SIM2: variants seen among roughly 807,000 people sequenced by gnomAD.
SIM2 encodes single-minded homolog 2.
In SIM2, 28 loss-of-function variants were observed where a neutral mutation model predicts 64.8. The ratio of observed to expected loss-of-function variants is 0.43; its 90% CI spans 0.32 to 0.59. The LOEUF is 0.59. Among genes scored for constraint, SIM2 ranks in the 20% least tolerant of loss-of-function variants. The pLI is 0.07. For missense variants in SIM2, 847 were observed against 871.4 expected, an observed-to-expected ratio of 0.97 and a Z score of 0.35; for synonymous variants, 408 against 391.1, an observed-to-expected ratio of 1.04 and a Z score of -0.51.
At chr21:36,742,639 A>C (rs180897151) in intron 8 of SIM2, among the ~76,000 whole-genome samples, 3 of 152,206 alleles carry the variant, frequency 2.0e-5, no homozygotes, top group Admixed American at 1.3e-4. Context: ...CACCATAGCT[A>C]TTGTACGTTC....
chr21:36,699,657 C>G lies in SIM2; in HGVS notation c.-90C>G. 1 of 1,462,464 alleles carries G rather than the reference C, an allele frequency of 6.8e-7. No homozygotes were observed. Among genetic ancestry groups the G allele is most frequent in the Admixed American group, 2.2e-5 (1 of 46,226 alleles). The allele number at this position is 1,462,464 out of a possible 1,614,324, so 90.6% of individuals were successfully genotyped here. The stretch of plus-strand genomic sequence containing the variant: ...CCGCGGACTCACCTGGCTCCCGGCT[C>G]CCCCTTCCCCATCCCCGCCGCCGCA... On this transcript the variant is annotated 5_prime_UTR_variant, in exon 1 of 11. Coordinates refer to ENST00000290399, the MANE Select transcript of SIM2 (RefSeq NM_005069.6). The surrounding 1 kb of genome is among the most constrained non-coding windows in gnomAD (Gnocchi z 5.6).
In SIM2 at chr21:36,741,770, G is replaced by A. The variant is rs2089162398; in HGVS notation, c.904G>A (p.Gly302Ser). 6.2e-7 allele frequency: 1 copy of A among 1,613,084 alleles called. No homozygotes were observed. The highest frequency in any genetic ancestry group is 1.7e-5 in the Admixed American group (1 of 59,978). Residue 302 changes from glycine (G) to serine (S), a missense_variant, in exon 8 of 11, where the codon GGC becomes AGC. Around this residue, in one of 3 missense-constraint regions of SIM2, gnomAD observed 397 missense variants for 439.2 expected, o/e 0.90. Transcript: ENST00000290399. ...GTACTACCGGCTGCTGTCCAAGCGG[G>A]GCGGCTGGGTGTGGGTGCAGAGCTA... ...TKYYRLLSKRGGWVWVQSYAT... is the reference protein window; with the variant it reads ...TKYYRLLSKRSGWVWVQSYAT...
In SIM2 at chr21:36,699,732, C is replaced by CGGAGCCGA; in HGVS notation, c.-12_-5dup. 1 of 1,611,286 alleles carries CGGAGCCGA rather than the reference C, an allele frequency of 6.2e-7. No individual in the cohort carries two copies. Among genetic ancestry groups the CGGAGCCGA allele is most frequent in the South Asian group, 1.1e-5 (1 of 90,738 alleles). On this transcript the variant is annotated 5_prime_UTR_variant, in exon 1 of 11. Coordinates refer to ENST00000290399, the MANE Select transcript of SIM2 (RefSeq NM_005069.6). The surrounding 1 kb of genome is among the most constrained non-coding windows in gnomAD (Gnocchi z 5.6). ...GGAGCACGGCCGGGTCTAATATGCCCGGAGCCGAGGCGCGATGAAGGAGAA... is the reference window on the plus strand; with the variant it reads ...GGAGCACGGCCGGGTCTAATATGCCCGGAGCCGAGGAGCCGAGGCGCGATGAAGGAGAA...
chr21:36,714,863 G>A (rs542727222), intron 3 of SIM2, among the ~76,000 whole-genome samples: 18 of 152,286 alleles, frequency 1.2e-4, no homozygotes, highest in African/African-American at 3.9e-4. Flanking sequence ...TCGGCTCCAC[G>A]GAAGGAAATC....
intron 1 of SIM2, 107 bp from the exon 2 acceptor site, chr21:36,709,061 C>A (rs2088632651): frequency 6.4e-6 from 6 of 937,938 alleles, no homozygotes; most frequent in Non-Finnish European, 9.4e-6. Context: ...ACGCGCGGGA[C>A]TCGTGGGGAG....
intron 6 of SIM2, among the ~76,000 whole-genome samples, chr21:36,730,294 CCTA>C (rs2088949198): frequency 6.6e-6 from 1 of 152,172 alleles, no homozygotes; most frequent in African/African-American, 2.4e-5. Context: ...CGTATTCAGT[CCTA>C]AGAAGGAATG....
intron 1 of SIM2, among the ~76,000 whole-genome samples, chr21:36,705,273 G>A (rs1367727497): frequency 6.6e-6 from 1 of 152,216 alleles, no homozygotes; most frequent in Non-Finnish European, 1.5e-5. Context: ...AGAGGCAGCC[G>A]GTCCTCACCC....
intron 2 of SIM2, among the ~76,000 whole-genome samples, chr21:36,710,787 T>C (rs2088664249): frequency 6.6e-6 from 1 of 152,210 alleles, no homozygotes; most frequent in Admixed American, 6.5e-5. Flanking sequence ...CCCGAGCTTT[T>C]ACAACATAAA....
intron 1 of SIM2, 66 bp from the exon 2 acceptor site, chr21:36,709,102 C>T: frequency 7.0e-7 from 1 of 1,424,268 alleles, no homozygotes; most frequent in Non-Finnish European, 9.6e-7. Flanking sequence ...TCCGCGTGAC[C>T]TGCCCGGCTC....
chr21:36,724,886 G>C (rs2088869441), intron 5 of SIM2, among the ~76,000 whole-genome samples: 1 of 152,134 alleles, frequency 6.6e-6, no homozygotes, highest in Non-Finnish European at 1.5e-5. Context: ...AGGCTGTACA[G>C]ATGTTTCTGT....
At position 36,737,973 on chromosome 21, in the gene SIM2, AAAAAAAAAAGC is replaced by A. The variant is rs1184348489; in HGVS notation, c.851-3727_851-3717del. Among the ~76,000 whole-genome samples, 20 of 120,340 alleles carry A rather than the reference AAAAAAAAAAGC, an allele frequency of 1.7e-4. 1 individual carries two copies. The East Asian group carries it at 2.0e-3, about 12-fold the overall frequency. 78.9% of individuals were successfully genotyped at this position (120,340 alleles called of 152,430 possible). Reference sequence around the variant, plus strand: ...CAAGACCCTGTCTCAAAAAAAAAAAAAAAAAAAAAGCAAAAAAAAAGCAAAAAGAAAAAAGC... The same window carrying A: ...CAAGACCCTGTCTCAAAAAAAAAAAAAAAAAAAAAGCAAAAAGAAAAAAGC... On this transcript the variant is annotated intron_variant, in intron 7 of 10. Coordinates refer to ENST00000290399, the MANE Select transcript of SIM2 (RefSeq NM_005069.6).
intron 7 of SIM2, 130 bp from the exon 8 acceptor site, chr21:36,741,587 A>G: frequency 4.1e-6 from 4 of 978,336 alleles, no homozygotes; most frequent in Non-Finnish European, 6.2e-6. Flanking sequence ...TGCACCCTCC[A>G]GCGGAGAAAG....
At chr21:36,707,564 C>CT (rs2088602516) in intron 1 of SIM2, among the ~76,000 whole-genome samples, 1 of 152,032 alleles carries the variant, frequency 6.6e-6, no homozygotes, top group Non-Finnish European at 1.5e-5. Context: ...AAGGTCATCC[C>CT]TTTTTAAATT....
At chr21:36,744,448 A>G (rs2089202983) in intron 9 of SIM2, among the ~76,000 whole-genome samples, 1 of 144,958 alleles carries the variant, frequency 6.9e-6, no homozygotes. Context: ...CAAAGAAAGA[A>G]AGAGAAAGAA....
intron 9 of SIM2, among the ~76,000 whole-genome samples, chr21:36,743,830 G>A (rs866055418): frequency 1.3e-5 from 2 of 152,224 alleles, no homozygotes; most frequent in Middle Eastern, 3.2e-3. Flanking sequence ...TGGGCTTGAC[G>A]GGTTGGAATC....
At chr21:36,710,098 C>A (rs1363102678) in intron 2 of SIM2, 1 of 154,084 alleles carries the variant, frequency 6.5e-6, no homozygotes, top group Non-Finnish European at 1.4e-5. Flanking sequence ...AGGCGTGAGC[C>A]AACGCGTCCT....
chr21:36,709,886 TG>T (rs2088650807), intron 2 of SIM2: 1 of 174,206 alleles, frequency 5.7e-6, no homozygotes, highest in Non-Finnish European at 1.2e-5. Flanking sequence ...TAGAGTGCAA[TG>T]GCGCGATCTC....
rs769846242 is a variant in SIM2, at chr21:36,709,254, G to A, written c.258+4G>A. ...GCTGGGATCGCACTTGCTGCAGGTAGAGCGGCCTCGCCGGGGGAGGAGCGC... is the reference window on the plus strand; with the variant it reads ...GCTGGGATCGCACTTGCTGCAGGTAAAGCGGCCTCGCCGGGGGAGGAGCGC... On this transcript the variant is annotated splice_donor_region_variant and intron_variant, in intron 2 of 10. Transcript: ENST00000290399. The A allele has an allele frequency of 8.2e-6, 13 of 1,594,414 alleles. No homozygotes were observed. Among genetic ancestry groups the A allele is most frequent in the Middle Eastern group, 1.7e-4 (1 of 6,026 alleles).
chr21:36,741,622 G>A, intron 7 of SIM2, 95 bp from the exon 8 acceptor site: 1 of 1,429,520 alleles, frequency 7.0e-7, no homozygotes. Context: ...CAAGTTCTCA[G>A]AGGTGTCCTT....
Sources: allele counts gnomAD v4.1 joint callset (sites outside exome capture counted in the v4.1 genomes callset), GRCh38; gene constraint gnomAD v4.1.1; regional missense constraint gnomAD v4.1.1; non-coding constraint Gnocchi (gnomAD v3.1); transcripts MANE v1.5; gene names NCBI Gene and HGNC (gene_info 2026-07-23, HGNC 2026-07-21).